NRXN2: variants seen among roughly 807,000 people sequenced by gnomAD.
The protein encoded by NRXN2 is neurexin 2.
In NRXN2, 29 loss-of-function variants were observed where a neutral mutation model predicts 128.8. The observed-to-expected ratio is 0.23, with a 90% CI of 0.17 to 0.31. The LOEUF is 0.31. Among genes scored for constraint, NRXN2 ranks in the 10% least tolerant of loss-of-function variants. The pLI is 1.00. For missense variants in NRXN2, 1,881 were observed against 2,452.6 expected (o/e 0.77, Z 4.92); for synonymous variants, 1,098 against 1,075.2 (o/e 1.02, Z -0.41).
At chr11:64,641,670 TG>T (rs1315095380) in intron 17 of NRXN2, among the ~76,000 whole-genome samples, 1 of 150,900 alleles carries the variant, frequency 6.6e-6, no homozygotes, top group African/African-American at 2.4e-5. Context: ...AATGAGAAGG[TG>T]ATGGGGTCTG....
chr11:64,688,408 C>G, intron 5 of NRXN2: 1 of 985,338 alleles, frequency 1.0e-6, no homozygotes, highest in Non-Finnish European at 1.2e-6. Context: ...GGAAAGAAAA[C>G]CCGAAGATGG....
At chr11:64,620,717 T>C (rs1591537102) in intron 21 of NRXN2, among the ~76,000 whole-genome samples, 1 of 148,020 alleles carries the variant, frequency 6.8e-6, no homozygotes, top group Non-Finnish European at 1.5e-5. Flanking sequence ...TCAGGGAAGG[T>C]GCCAGGGAGG....
At position 64,664,453 on chromosome 11, in the gene NRXN2, A is replaced by G. The variant is rs537428334; in HGVS notation, c.1798+2797T>C. Among the ~76,000 whole-genome samples the G allele has an allele frequency of 2.6e-4, 38 of 146,452 alleles. 1 individual carries two copies. In the South Asian group the frequency reaches 8.2e-3, roughly 31 times the overall value. On this transcript the variant is annotated intron_variant, in intron 9 of 22. Coordinates refer to ENST00000265459, the MANE Select transcript of NRXN2 (RefSeq NM_015080.4). Reference sequence around the variant, plus strand: ...AGATTGCGCCACTGCGCTCCAGCCTAGGCAACGAGAGCGAAACTCCGTGTC... The same window carrying G: ...AGATTGCGCCACTGCGCTCCAGCCTGGGCAACGAGAGCGAAACTCCGTGTC...
chr11:64,690,537 T>C, intron 4 of NRXN2, 61 bp from the exon 5 acceptor site: 1 of 1,444,008 alleles, frequency 6.9e-7, no homozygotes. Flanking sequence ...CTCCCCAGCC[T>C]TGAGGGGATG....
At chr11:64,618,613 T>A (rs1360944056) in intron 22 of NRXN2, among the ~76,000 whole-genome samples, 4 of 152,164 alleles carry the variant, frequency 2.6e-5, no homozygotes, top group African/African-American at 9.7e-5. Flanking sequence ...CAGGGGGTAC[T>A]GTGTGTTGAA....
chr11:64,618,826 C>T (rs932451667), intron 22 of NRXN2, among the ~76,000 whole-genome samples: 4 of 152,188 alleles, frequency 2.6e-5, no homozygotes, highest in Non-Finnish European at 5.9e-5. Context: ...CCCTGAAGGT[C>T]CCTGGGCCCA....
In NRXN2 at chr11:64,630,678, G is replaced by T; in HGVS notation, c.3586-105C>A. 7.5e-6 allele frequency: 10 copies of T among 1,340,306 alleles called. No individual in the cohort carries two copies. The South Asian group carries it at 1.2e-4, about 16-fold the overall frequency. 83.0% of individuals were successfully genotyped at this position (1,340,306 alleles called of 1,614,324 possible). A position where few individuals can be genotyped will look rare whatever the true frequency, so the allele number is the denominator to read the frequency against. On this transcript the variant is annotated intron_variant, in intron 18 of 22. Coordinates refer to ENST00000265459, the MANE Select transcript of NRXN2 (RefSeq NM_015080.4). The surrounding 1 kb of genome is among the most constrained non-coding windows in gnomAD (Gnocchi z 4.6). ...CTAGCCCAGCTCCGCAGCACTTAAG[G>T]CACCTTTCCCAGGTCTCAACCGCTG...
intron 17 of NRXN2, among the ~76,000 whole-genome samples, chr11:64,645,288 T>C (rs2046469464): frequency 6.6e-6 from 1 of 151,370 alleles, no homozygotes; most frequent in Non-Finnish European, 1.5e-5. Flanking sequence ...TAGAGGCCAA[T>C]CAATACCAGT....
chr11:64,685,537 C>T lies in NRXN2; in HGVS notation c.1152+109G>A, dbSNP rs1228787703. Reference sequence around the variant, plus strand: ...CCTGTTCTTCTCCAGAACCACACCTCACTGCCCAGCCCTGATCCCTCCACC... The same window carrying T: ...CCTGTTCTTCTCCAGAACCACACCTTACTGCCCAGCCCTGATCCCTCCACC... On this transcript the variant is annotated intron_variant, in intron 6 of 22. Coordinates refer to ENST00000265459, the MANE Select transcript of NRXN2 (RefSeq NM_015080.4). The T allele has an allele frequency of 4.2e-6, 6 of 1,428,596 alleles. No individual in the cohort carries two copies. The African/African-American group carries it at 4.2e-5, about 10-fold the overall frequency. The allele number at this position is 1,428,596 out of a possible 1,614,324, so 88.5% of individuals were successfully genotyped here. A position where few individuals can be genotyped will look rare whatever the true frequency, so the allele number is the denominator to read the frequency against.
At chr11:64,704,663 G>GAGAGAGAGAGAGAGAGAA in intron 2 of NRXN2, among the ~76,000 whole-genome samples, 1 of 144,578 alleles carries the variant, frequency 6.9e-6, no homozygotes, top group African/African-American at 2.7e-5. Flanking sequence ...GAGAGAGAGA[G>GAGAGAGAGAGAGAGAGAA]AGAGAGAGAT....
intron 2 of NRXN2, among the ~76,000 whole-genome samples, chr11:64,702,666 A>G (rs1380962274): frequency 6.6e-6 from 1 of 151,650 alleles, no homozygotes; most frequent in Non-Finnish European, 1.5e-5. Context: ...AACACTGCGG[A>G]AGGCCGCAGG....
Position 64,608,054 on chromosome 11 carries a change from C to T in NRXN2, c.4281G>A (p.Thr1427=). ...TGGELILPII[T]EDSLDPPPVA... ...CGGGAGGGGGGTCTAAGGAGTCCTC[C>T]GTGATAATGGGCAATATTAACTCTC... Residue 1427 remains threonine, a synonymous_variant, in exon 23 of 23, where the codon ACG becomes ACA. Coordinates refer to ENST00000265459, the MANE Select transcript of NRXN2 (RefSeq NM_015080.4). The T allele has an allele frequency of 6.3e-7, 1 of 1,582,552 alleles. No individual in the cohort carries two copies. The highest frequency in any genetic ancestry group is 8.5e-7 in the Non-Finnish European group (1 of 1,172,430).
At chr11:64,691,576 G>A (rs573385928) in intron 4 of NRXN2, among the ~76,000 whole-genome samples, 9 of 152,314 alleles carry the variant, frequency 5.9e-5, no homozygotes, top group Non-Finnish European at 8.8e-5. Context: ...TACTTGAGCT[G>A]TGGAACTTTC....
chr11:64,699,479 G>A (rs377714714), intron 2 of NRXN2, among the ~76,000 whole-genome samples: 3 of 140,920 alleles, frequency 2.1e-5, no homozygotes, highest in African/African-American at 8.2e-5. Context: ...TGCCCAGGCT[G>A]GAGTGAAATG....
In NRXN2 at chr11:64,622,932, G is replaced by A. The variant is rs750583423; in HGVS notation, c.3994C>T (p.Arg1332Trp). ...ALAAESDPNV[R>W]TEGHLRLVGE... ...ACCAGGCGCAGGTGACCCTCAGTCC[G>A]CACATTGGGGTCGCTCTCGGCGGCC... The change falls in exon 21 of 23, where the codon CGG becomes TGG. Residue 1332 changes from arginine (R) to tryptophan (W), a missense_variant. Arg to Trp is a moderately radical substitution (Grantham distance 101). Around this residue, in one of 7 missense-constraint regions of NRXN2, gnomAD observed 108 missense variants for 165.2 expected, o/e 0.65. Transcript: ENST00000265459. The surrounding 1 kb of genome is among the most constrained non-coding windows in gnomAD (Gnocchi z 4.3). 58 of 1,612,990 alleles carry A rather than the reference G, an allele frequency of 3.6e-5. No individual in the cohort carries two copies. The highest frequency in any genetic ancestry group is 4.8e-5 in the Non-Finnish European group (57 of 1,179,742).
chr11:64,684,086 T>C (rs1445774272), intron 6 of NRXN2, among the ~76,000 whole-genome samples: 1 of 152,160 alleles, frequency 6.6e-6, no homozygotes, highest in Non-Finnish European at 1.5e-5. Flanking sequence ...GACCATGTCT[T>C]TTTTTCCCCC....
At chr11:64,643,406 G>T (rs2046083644) in intron 17 of NRXN2, 1 of 347,638 alleles carries the variant, frequency 2.9e-6, no homozygotes, top group Admixed American at 6.7e-5. Flanking sequence ...TCCGGGTGAG[G>T]GGGGAATGAA....
In NRXN2 at chr11:64,607,563, C is replaced by T. The variant is rs2039831830; in HGVS notation, c.4772G>A (p.Arg1591Gln). ...GPGAPTSFEPRRPPPLRPGVT... is the reference protein window; with the variant it reads ...GPGAPTSFEPQRPPPLRPGVT... Reference sequence around the variant, plus strand: ...GCCGGGGCGCAGGGGAGGGGGCCTCCGCGGCTCAAAGGACGTGGGGGCCCC... The same window carrying T: ...GCCGGGGCGCAGGGGAGGGGGCCTCTGCGGCTCAAAGGACGTGGGGGCCCC... Residue 1591 changes from arginine (R) to glutamine (Q), a missense_variant, in exon 23 of 23, where the codon CGG (arginine) becomes CAG (glutamine). Arg to Gln is a conservative substitution (Grantham distance 43, BLOSUM62 1). This residue lies in a region of NRXN2 where 310 missense variants were observed against 318.2 expected (regional missense o/e 0.97). Coordinates refer to ENST00000265459, the MANE Select transcript of NRXN2 (RefSeq NM_015080.4). The T allele has an allele frequency of 2.6e-6, 4 of 1,537,814 alleles. No individual in the cohort carries two copies. Among genetic ancestry groups the T allele is most frequent in the Non-Finnish European group, 3.5e-6 (4 of 1,145,980 alleles).
At chr11:64,707,658 A>G (rs2135653979) in intron 2 of NRXN2, among the ~76,000 whole-genome samples, 1 of 152,380 alleles carries the variant, frequency 6.6e-6, no homozygotes, top group Admixed American at 6.5e-5. Flanking sequence ...TCTATAAAGT[A>G]GGTACCATTA....
Sources: gnomAD v4.1 joint callset for allele counts (sites outside exome capture counted in the v4.1 genomes callset) on GRCh38, gnomAD v4.1.1 for gene constraint, gnomAD v4.1.1 regional missense constraint, Gnocchi (gnomAD v3.1) non-coding constraint, MANE v1.5 for transcripts, NCBI Gene and HGNC (gene_info 2026-07-23, HGNC 2026-07-21) for gene names.